The following SHROOM3 variants were observed in gnomAD, a reference collection of about 807,000 sequenced individuals.
SHROOM3 encodes the protein shroom family member 3.
A neutral mutation model predicts 138.6 loss-of-function variants in SHROOM3; 47 were observed. That is an observed-to-expected ratio of 0.34 (90% confidence interval 0.27 to 0.43). The LOEUF (loss-of-function observed/expected upper bound fraction) is 0.43. SHROOM3 is among the 20% of genes least tolerant of loss of function. The pLI is 1.00. For missense variants in SHROOM3, 2,491 were observed against 2,596.5 expected (o/e 0.96, Z 0.88); for synonymous variants, 1,062 against 1,063.3 (o/e 1.00, Z 0.02).
chr4:76,452,033 G>T (rs892649285), intron 1 of SHROOM3, among the ~76,000 whole-genome samples: 3 of 152,154 alleles, frequency 2.0e-5, no homozygotes, highest in African/African-American at 7.2e-5. Context: ...AGGGCAAAAA[G>T]GGATTTTTAA....
rs144999011 is a variant in SHROOM3 at position 76,634,828 on chromosome 4, A to G, written c.324-75328A>G. On this transcript the variant is annotated intron_variant, in intron 2 of 10. Coordinates refer to ENST00000296043, the MANE Select transcript of SHROOM3 (RefSeq NM_020859.4). ...GTGTGACTTAGAGGAAGAAGGAAAG[A>G]GATGTATTGAACTCTGTTAGCACAT... 5.9e-3 allele frequency among the ~76,000 whole-genome samples: 902 copies of G among 152,334 alleles called. 6 individuals are homozygous for G. The highest frequency in any genetic ancestry group is 0.021 in the African/African-American group (859 of 41,570).
At chr4:76,453,640 A>C (rs575999041) in intron 1 of SHROOM3, among the ~76,000 whole-genome samples, 1 of 152,248 alleles carries the variant, frequency 6.6e-6, no homozygotes, top group South Asian at 2.1e-4. Flanking sequence ...AGTGTTGCTG[A>C]GTATCTTTTC....
At chr4:76,462,719 C>G (rs1165776567) in intron 1 of SHROOM3, among the ~76,000 whole-genome samples, 1 of 147,508 alleles carries the variant, frequency 6.8e-6, no homozygotes, top group African/African-American at 2.5e-5. Flanking sequence ...TCTCCCTCTC[C>G]CTCTCCCTTT....
intron 2 of SHROOM3, among the ~76,000 whole-genome samples, chr4:76,636,671 C>T (rs1279893148): frequency 6.6e-6 from 1 of 152,180 alleles, no homozygotes; most frequent in East Asian, 1.9e-4. Flanking sequence ...CTGTTTTCCC[C>T]CACATCCCAG....
intron 1 of SHROOM3, among the ~76,000 whole-genome samples, chr4:76,520,489 A>G (rs1325421550): frequency 1.3e-5 from 2 of 152,202 alleles, no homozygotes; most frequent in Non-Finnish European, 2.9e-5. Flanking sequence ...TTTACAGATA[A>G]GGAAACTGAG....
intron 1 of SHROOM3, among the ~76,000 whole-genome samples, chr4:76,473,750 C>T (rs1008816682): frequency 6.6e-6 from 1 of 152,020 alleles, no homozygotes. Flanking sequence ...AAATGCAAAT[C>T]AAAAATACAA....
chr4:76,748,224 T>C (rs796838707), intron 5 of SHROOM3, among the ~76,000 whole-genome samples: 9 of 152,182 alleles, frequency 5.9e-5, no homozygotes, highest in African/African-American at 1.7e-4. Flanking sequence ...AGTTAACCCA[T>C]TGGGCAGGGT....
intron 1 of SHROOM3, among the ~76,000 whole-genome samples, chr4:76,473,435 C>T (rs971992478): frequency 6.6e-6 from 1 of 151,960 alleles, no homozygotes; most frequent in African/African-American, 2.4e-5. Flanking sequence ...TAGTGAGACC[C>T]CATCTCTATG....
chr4:76,563,307 C>T (rs1276740387), intron 2 of SHROOM3, among the ~76,000 whole-genome samples: 2 of 152,156 alleles, frequency 1.3e-5, no homozygotes, highest in Non-Finnish European at 2.9e-5. Context: ...GGTTTTAAAG[C>T]TTCTGATTAT....
chr4:76,536,968 C>T (rs577644753), intron 1 of SHROOM3, among the ~76,000 whole-genome samples: 2 of 152,106 alleles, frequency 1.3e-5, no homozygotes, highest in East Asian at 1.9e-4. Flanking sequence ...CAAAAATTAC[C>T]CAGGTGTGGT....
chr4:76,591,623 T>G (rs943834252), intron 2 of SHROOM3, among the ~76,000 whole-genome samples: 1 of 152,152 alleles, frequency 6.6e-6, no homozygotes, highest in African/African-American at 2.4e-5. Context: ...TACATTGCCC[T>G]TAGTAATGGC....
At chr4:76,774,709 G>GTTTTTTTTTTGTTTTTT (rs1722488734) in intron 10 of SHROOM3, among the ~76,000 whole-genome samples, 1 of 139,096 alleles carries the variant, frequency 7.2e-6, no homozygotes, top group African/African-American at 2.8e-5. Flanking sequence ...GTTTTTTGGG[G>GTTTTTTTTTTGTTTTTT]TTTTTTTTTT....
chr4:76,735,868 A>ATATAT (rs1316555891), intron 4 of SHROOM3, among the ~76,000 whole-genome samples: 1 of 18,812 alleles, frequency 5.3e-5, no homozygotes, highest in Non-Finnish European at 9.1e-5. Context: ...AAAAAAAAAA[A>ATATAT]ATATATATAT....
intron 2 of SHROOM3, among the ~76,000 whole-genome samples, chr4:76,599,627 A>G (rs991611227): frequency 1.3e-5 from 2 of 152,222 alleles, no homozygotes; most frequent in African/African-American, 2.4e-5. Context: ...GTCCTAGCAC[A>G]GGCTTTGAAG....
intron 1 of SHROOM3, among the ~76,000 whole-genome samples, chr4:76,548,700 A>T (rs1733279996): frequency 6.6e-6 from 1 of 152,262 alleles, no homozygotes; most frequent in Admixed American, 6.5e-5. Context: ...GTAAACAATT[A>T]AAAAATCAAC....
intron 1 of SHROOM3, among the ~76,000 whole-genome samples, chr4:76,554,892 A>G (rs1448132256): frequency 6.6e-6 from 1 of 152,024 alleles, no homozygotes; most frequent in Non-Finnish European, 1.5e-5. Context: ...GCCTCCTGTA[A>G]GATCAGTGGC....
At chr4:76,459,926 G>A (rs1731107611) in intron 1 of SHROOM3, among the ~76,000 whole-genome samples, 1 of 152,118 alleles carries the variant, frequency 6.6e-6, no homozygotes, top group African/African-American at 2.4e-5. Flanking sequence ...CGTCTACAAA[G>A]TATGGATAAT....
chr4:76,665,502 C>T (rs573317242), intron 2 of SHROOM3, among the ~76,000 whole-genome samples: 3 of 152,314 alleles, frequency 2.0e-5, no homozygotes, highest in Admixed American at 1.3e-4. Flanking sequence ...CCTGCACCAG[C>T]AGTGGTGAAA....
intron 2 of SHROOM3, among the ~76,000 whole-genome samples, chr4:76,609,395 G>C (rs1182735120): frequency 2.6e-5 from 4 of 152,138 alleles, no homozygotes; most frequent in Non-Finnish European, 4.4e-5. Flanking sequence ...CAATCCTCTT[G>C]CTTCAGCCTC....
Sources: allele counts gnomAD v4.1 joint callset (sites outside exome capture counted in the v4.1 genomes callset), GRCh38; gene constraint gnomAD v4.1.1; transcripts MANE v1.5; gene names NCBI Gene and HGNC (gene_info 2026-07-23, HGNC 2026-07-21).